Variants in SCARA3 observed in about 807,000 individuals in gnomAD.
The protein encoded by SCARA3 is scavenger receptor class A member 3.
A neutral mutation model predicts 47.0 loss-of-function variants in SCARA3; 39 were observed. The observed-to-expected ratio is 0.83, with a 90% CI of 0.64 to 1.08. The LOEUF (loss-of-function observed/expected upper bound fraction) is 1.08. SCARA3 is among the 50% of genes least tolerant of loss of function. SCARA3 has a pLI of 0.00. For synonymous variants in SCARA3, 356 were observed against 334.1 expected, an observed-to-expected ratio of 1.07 and a Z score of -0.71; for missense variants, 724 against 792.3, an observed-to-expected ratio of 0.91 and a Z score of 1.04.
At chr8:27,636,882 G>T (rs562324104) in intron 1 of SCARA3, among the ~76,000 whole-genome samples, 44 of 152,328 alleles carry the variant, frequency 2.9e-4, no homozygotes, top group African/African-American at 9.9e-4. Context: ...TGGCTTCCGG[G>T]ATCTGTGGGG....
the SCARA3 span, among the ~76,000 whole-genome samples, chr8:27,682,531 T>G: frequency 6.6e-6 from 1 of 152,132 alleles, no homozygotes; most frequent in Non-Finnish European, 1.5e-5. Context: ...TATGTAAATA[T>G]CTCTTGCATC....
chr8:27,659,221 G>T lies in SCARA3; in HGVS notation c.1051G>T (p.Ala351Ser). ...ERFESLEGRMASHEIEIGTIF... is the reference protein window; with the variant it reads ...ERFESLEGRMSSHEIEIGTIF... Reference sequence around the variant, plus strand: ...GTTTGAGTCTCTGGAAGGACGCATGGCTTCTCACGAGATTGAAATTGGCAC... The same window carrying T: ...GTTTGAGTCTCTGGAAGGACGCATGTCTTCTCACGAGATTGAAATTGGCAC... The change falls in exon 5 of 6, where the codon GCT (alanine) becomes TCT (serine). Residue 351 changes from alanine to serine, a missense_variant. By Grantham distance (99) the Ala-to-Ser change is moderately conservative (BLOSUM62 1). Coordinates refer to ENST00000301904, the MANE Select transcript of SCARA3 (RefSeq NM_016240.3). 2 of 1,614,140 alleles carry T rather than the reference G, an allele frequency of 1.2e-6. No individual in the cohort carries two copies. Among genetic ancestry groups the T allele is most frequent in the Non-Finnish European group, 8.5e-7 (1 of 1,180,040 alleles).
chr8:27,642,338 A>T (rs1801399824), intron 1 of SCARA3, among the ~76,000 whole-genome samples: 1 of 152,236 alleles, frequency 6.6e-6, no homozygotes, highest in African/African-American at 2.4e-5. Context: ...ACTACTATTT[A>T]TTAAGCATTT....
the SCARA3 span, among the ~76,000 whole-genome samples, chr8:27,716,575 A>G: frequency 6.6e-6 from 1 of 152,218 alleles, no homozygotes; most frequent in Non-Finnish European, 1.5e-5. Flanking sequence ...AAGTAAAGAA[A>G]CAAGCAAATA....
chr8:27,719,679 C>G, the SCARA3 span, among the ~76,000 whole-genome samples: 1 of 152,186 alleles, frequency 6.6e-6, no homozygotes. Context: ...AACACTGCCT[C>G]TGACACAGGA....
intron 1 of SCARA3, 21 bp downstream of exon 1, chr8:27,634,228 G>A (rs1321809346): frequency 1.5e-6 from 2 of 1,351,528 alleles, no homozygotes; most frequent in South Asian, 4.2e-5. Context: ...CCTGTCGGGG[G>A]CAGCTCCGAG....
the SCARA3 span, among the ~76,000 whole-genome samples, chr8:27,715,729 G>A: frequency 9.2e-4 from 139 of 151,638 alleles, no homozygotes; most frequent in Middle Eastern, 3.4e-3. The surrounding 1 kb of genome is among the most constrained non-coding windows in gnomAD (Gnocchi z 4.2). Context: ...GACAGACACA[G>A]ACAGACAAAC....
the SCARA3 span, among the ~76,000 whole-genome samples, chr8:27,690,133 G>T: frequency 6.6e-6 from 1 of 152,052 alleles, no homozygotes; most frequent in East Asian, 1.9e-4. Flanking sequence ...TTAACACTCT[G>T]GGATAAAATA....
chr8:27,690,655 A>G, the SCARA3 span, among the ~76,000 whole-genome samples: 2 of 152,224 alleles, frequency 1.3e-5, no homozygotes, highest in South Asian at 2.1e-4. Flanking sequence ...GCAATGTGCA[A>G]AAGAGCTATC....
chr8:27,671,587 T>C lies in SCARA3; in HGVS notation c.*236T>C. The C allele has an allele frequency of 4.0e-6, 5 of 1,246,372 alleles. No individual in the cohort carries two copies. Among genetic ancestry groups the C allele is most frequent in the East Asian group, 3.2e-5 (1 of 31,004 alleles). The allele number at this position is 1,246,372 out of a possible 1,614,324, so 77.2% of individuals were successfully genotyped here. On this transcript the variant is annotated 3_prime_UTR_variant, in exon 6 of 6. Coordinates refer to ENST00000301904, the MANE Select transcript of SCARA3 (RefSeq NM_016240.3). ...ACATGCATGCACACACATGCACACA[T>C]ACACGCACATGCACACATACACATG...
At chr8:27,641,997 A>T (rs1294540577) in intron 1 of SCARA3, among the ~76,000 whole-genome samples, 2 of 152,248 alleles carry the variant, frequency 1.3e-5, no homozygotes, top group African/African-American at 4.8e-5. Flanking sequence ...AGGAAGTTCC[A>T]TGACCAAATA....
At chr8:27,709,625 G>A in the SCARA3 span, among the ~76,000 whole-genome samples, 1 of 152,178 alleles carries the variant, frequency 6.6e-6, no homozygotes, top group African/African-American at 2.4e-5. Flanking sequence ...TAAATCTGGA[G>A]GGGCAGTGGT....
At chr8:27,656,942 C>T in intron 4 of SCARA3, 62 bp downstream of exon 4, 1 of 1,071,128 alleles carries the variant, frequency 9.3e-7, no homozygotes, top group Non-Finnish European at 1.5e-6. Context: ...GGGTGCCCTC[C>T]CCACGCTACA....
At chr8:27,675,360 C>A (rs1417242501), downstream of SCARA3, among the ~76,000 whole-genome samples, 1 of 152,226 alleles carries the variant, frequency 6.6e-6, no homozygotes, top group East Asian at 1.9e-4. Flanking sequence ...GGCTGGCAAG[C>A]CTTGACCTGT....
At chr8:27,731,031 C>A in the SCARA3 span, among the ~76,000 whole-genome samples, 26 of 150,354 alleles carry the variant, frequency 1.7e-4, 1 homozygote, top group Admixed American at 1.7e-3. Context: ...AGAGGGCCTG[C>A]AGGGAGGAGG....
the SCARA3 span, among the ~76,000 whole-genome samples, chr8:27,685,760 A>G: frequency 6.6e-6 from 1 of 152,212 alleles, no homozygotes; most frequent in African/African-American, 2.4e-5. Flanking sequence ...AAGAAAACAA[A>G]AGAAAATCAC....
chr8:27,694,933 G>C, the SCARA3 span, among the ~76,000 whole-genome samples: 1 of 152,168 alleles, frequency 6.6e-6, no homozygotes, highest in African/African-American at 2.4e-5. Context: ...CAGGGAAGGG[G>C]CCCTACAGTT....
chr8:27,665,625 C>A (rs1802000595), intron 5 of SCARA3, among the ~76,000 whole-genome samples: 1 of 152,208 alleles, frequency 6.6e-6, no homozygotes, highest in Non-Finnish European at 1.5e-5. Flanking sequence ...CCACCTTCGG[C>A]CTCCCAAAGT....
At chr8:27,677,813 T>C (rs979929821), downstream of SCARA3, among the ~76,000 whole-genome samples, 2 of 152,142 alleles carry the variant, frequency 1.3e-5, no homozygotes, top group African/African-American at 4.8e-5. Flanking sequence ...GAAACAAGCC[T>C]CAACAAATGT....
Sources: gnomAD v4.1 joint callset for allele counts (sites outside exome capture counted in the v4.1 genomes callset) on GRCh38, gnomAD v4.1.1 for gene constraint, Gnocchi (gnomAD v3.1) non-coding constraint, MANE v1.5 for transcripts, NCBI Gene and HGNC (gene_info 2026-07-23, HGNC 2026-07-21) for gene names.